Variants in POLR3F observed in about 807,000 individuals in gnomAD.
POLR3F encodes DNA-directed RNA polymerase III subunit RPC6.
Under a neutral mutation model 43.6 loss-of-function variants are expected in POLR3F, and 31 were observed. The observed-to-expected ratio is 0.71, with a 90% confidence interval of 0.53 to 0.96. POLR3F has a LOEUF of 0.96. Among genes scored for constraint, POLR3F ranks in the 40% least tolerant of loss-of-function variants. The pLI is 0.00. For synonymous variants in POLR3F, 114 were observed against 132.5 expected (o/e 0.86, Z 0.96); for missense variants, 316 against 391.7 (o/e 0.81, Z 1.63).
At position 18,468,945 on chromosome 20, in the gene POLR3F, A is replaced by G. The variant is rs1335703062; in HGVS notation, c.64A>G (p.Ile22Val). 7.2e-7 allele frequency: 1 copy of G among 1,388,534 alleles called. No homozygotes were observed. Among genetic ancestry groups the G allele is most frequent in the Non-Finnish European group, 1.0e-6 (1 of 974,290 alleles). 86.0% of individuals were successfully genotyped at this position (1,388,534 alleles called of 1,614,324 possible). The change falls in exon 2 of 9, where the codon ATT becomes GTT. Residue 22 changes from isoleucine to valine, a missense_variant and splice_region_variant. Physicochemically the swap from Ile to Val is conservative, Grantham distance 29 (BLOSUM62 3). Coordinates refer to ENST00000377603, the MANE Select transcript of POLR3F (RefSeq NM_006466.4). ...DADPVEIENR[I>V]IELCHQFPHG... ...TAACATTAATACCTTTGTTTCTAGG[A>G]TTATAGAATTATGTCACCAGTTCCC... is the stretch of plus-strand genomic sequence containing the variant.
At position 18,480,064 on chromosome 20, in the gene POLR3F, C is replaced by G; in HGVS notation, c.456C>G (p.Leu152=). The G allele has an allele frequency of 6.2e-7, 1 of 1,612,128 alleles. No individual in the cohort carries two copies. Among genetic ancestry groups the G allele is most frequent in the Non-Finnish European group, 8.5e-7 (1 of 1,178,702 alleles). ...VAASKKKVYM[L]YNLQPDRSVT... is the part of the protein sequence containing the mutation. The stretch of plus-strand genomic sequence containing the variant: ...CCTCAAAAAAGAAGGTGTATATGCT[C>G]TATAACCTGCAGCCAGACCGGTCTG... Residue 152 remains leucine (L), a synonymous_variant, in exon 6 of 9, where the codon CTC becomes CTG. Transcript: ENST00000377603.
chr20:18,481,923 C>T lies in POLR3F; in HGVS notation c.873+113C>T, dbSNP rs576726726. ...TCAGACTCTTAGGGTTGACCAAGAG[C>T]TATTCAAACCTCCATGAAACCTTGA... On this transcript the variant is annotated intron_variant, in intron 8 of 8. Coordinates refer to ENST00000377603, the MANE Select transcript of POLR3F (RefSeq NM_006466.4). 8.0e-4 allele frequency: 508 copies of T among 632,532 alleles called. 2 individuals are homozygous for T. The highest frequency in any genetic ancestry group is 1.1e-3 in the Non-Finnish European group (384 of 356,070). The allele number at this position is 632,532 out of a possible 1,614,324, so 39.2% of individuals were successfully genotyped here.
intron 2 of POLR3F, chr20:18,469,319 A>C (rs1007885812): frequency 1.1e-5 from 4 of 363,786 alleles, no homozygotes; most frequent in Non-Finnish European, 2.0e-5. Context: ...TAAATAGAAC[A>C]AAGTGGCAGA....
At chr20:18,481,862 C>A in intron 8 of POLR3F, 52 bp downstream of exon 8, 1 of 1,167,946 alleles carries the variant, frequency 8.6e-7, no homozygotes, top group Non-Finnish European at 1.3e-6. Context: ...GTGCAAGTGC[C>A]ACATTAAGAA....
At chr20:18,477,954 A>G (rs1471991044) in intron 5 of POLR3F, among the ~76,000 whole-genome samples, 1 of 152,170 alleles carries the variant, frequency 6.6e-6, no homozygotes, top group Admixed American at 6.5e-5. Context: ...AGTGAATTCA[A>G]TCTCCAGCTC....
At chr20:18,480,933 G>T (rs146183148) in intron 7 of POLR3F, among the ~76,000 whole-genome samples, 74 of 152,138 alleles carry the variant, frequency 4.9e-4, no homozygotes, top group Admixed American at 1.7e-3. Flanking sequence ...AATTTCCTGG[G>T]CCTCAGATTT....
At chr20:18,479,034 A>G (rs910685403) in intron 5 of POLR3F, among the ~76,000 whole-genome samples, 1 of 151,960 alleles carries the variant, frequency 6.6e-6, no homozygotes, top group Non-Finnish European at 1.5e-5. Context: ...AATCCCAGCT[A>G]CTCGGGAGGC....
intron 4 of POLR3F, among the ~76,000 whole-genome samples, chr20:18,474,712 G>A (rs1368881825): frequency 2.0e-5 from 3 of 152,018 alleles, no homozygotes; most frequent in Non-Finnish European, 4.4e-5. Context: ...AGTAGGGACA[G>A]AGTTTCACCA....
intron 2 of POLR3F, chr20:18,469,362 T>G (rs1184398285): frequency 3.9e-6 from 1 of 257,520 alleles, no homozygotes; most frequent in Non-Finnish European, 7.7e-6. Flanking sequence ...AATTCAATCT[T>G]GAGCTGGGCT....
At chr20:18,483,420 G>A (rs1373820312) in intron 8 of POLR3F, 61 bp from the exon 9 acceptor site, 1 of 751,802 alleles carries the variant, frequency 1.3e-6, no homozygotes, top group Non-Finnish European at 2.2e-6. Flanking sequence ...TTAAATAAGT[G>A]GTTGGGTCTT....
At chr20:18,481,275 CTT>C (rs2059807883) in intron 7 of POLR3F, among the ~76,000 whole-genome samples, 1 of 151,858 alleles carries the variant, frequency 6.6e-6, no homozygotes, top group African/African-American at 2.4e-5. Flanking sequence ...GAGTTTGGCT[CTT>C]GTTGCCCAGG....
chr20:18,469,038 G>T lies in POLR3F; in HGVS notation c.157G>T (p.Ala53Ser). 1 of 1,544,152 alleles carries T rather than the reference G, an allele frequency of 6.5e-7. No individual in the cohort carries two copies. The highest frequency in any genetic ancestry group is 1.4e-5 in the African/African-American group (1 of 73,812). ...TATAGAAGCCCAGCAGCGGGCAGTA[G>T]CCATCAATAGGTTGTTGTCTATGGT... is the stretch of plus-strand genomic sequence containing the variant. ...PHIEAQQRAV[A>S]INRLLSMGQL... is the part of the protein sequence containing the mutation. Residue 53 changes from alanine to serine, a missense_variant, in exon 2 of 9, where the codon GCC becomes TCC. Coordinates refer to ENST00000377603, the MANE Select transcript of POLR3F (RefSeq NM_006466.4).
chr20:18,473,444 A>T lies in POLR3F; in HGVS notation c.302A>T (p.Asp101Val). 6.8e-7 allele frequency: 1 copy of T among 1,478,434 alleles called. No individual in the cohort carries two copies. Among genetic ancestry groups the T allele is most frequent in the East Asian group, 2.3e-5 (1 of 44,182 alleles). The allele number at this position is 1,478,434 out of a possible 1,614,324, so 91.6% of individuals were successfully genotyped here. A position where few individuals can be genotyped will look rare whatever the true frequency, so the allele number is the denominator to read the frequency against. ...AAACTAGTATATCAAATCATAGAGGATGCAGGAAATAAAGGTAAGCATGTG... is the reference window on the plus strand; with the variant it reads ...AAACTAGTATATCAAATCATAGAGGTTGCAGGAAATAAAGGTAAGCATGTG... ...QEKLVYQIIE[D>V]AGNKGIWSRD... is the part of the protein sequence containing the mutation. The change falls in exon 4 of 9, where the codon GAT becomes GTT. Residue 101 changes from aspartate to valine, a missense_variant. Asp to Val is a radical substitution (Grantham distance 152). Transcript: ENST00000377603.
At chr20:18,478,120 T>C (rs1331108366) in intron 5 of POLR3F, among the ~76,000 whole-genome samples, 1 of 152,156 alleles carries the variant, frequency 6.6e-6, no homozygotes, top group Non-Finnish European at 1.5e-5. Context: ...AGGTGTGATC[T>C]AAGGGATTCA....
In POLR3F at chr20:18,468,966, T is replaced by A. The variant is rs527368999; in HGVS notation, c.85T>A (p.Phe29Ile). The A allele has an allele frequency of 3.5e-5, 54 of 1,547,432 alleles. 1 individual carries two copies. The South Asian group carries it at 5.0e-4, about 14-fold the overall frequency. Residue 29 changes from phenylalanine (F) to isoleucine (I), a missense_variant, in exon 2 of 9, where the codon TTC becomes ATC. This residue lies in a region of POLR3F where 122 missense variants were observed against 133.8 expected (regional missense o/e 0.91). Coordinates refer to ENST00000377603, the MANE Select transcript of POLR3F (RefSeq NM_006466.4). ...ENRIIELCHQFPHGITDQVIQ... is the reference protein window; with the variant it reads ...ENRIIELCHQIPHGITDQVIQ... ...TAGGATTATAGAATTATGTCACCAG[T>A]TCCCTCATGGAATCACAGACCAAGT...
rs2059729808 is a variant in POLR3F, at chr20:18,468,958, G to A, written c.77G>A (p.Cys26Tyr). 2 of 1,511,532 alleles carry A rather than the reference G, an allele frequency of 1.3e-6. No homozygotes were observed. Among genetic ancestry groups the A allele is most frequent in the South Asian group, 1.1e-5 (1 of 89,094 alleles). The allele number at this position is 1,511,532 out of a possible 1,614,324, so 93.6% of individuals were successfully genotyped here. A position where few individuals can be genotyped will look rare whatever the true frequency, so the allele number is the denominator to read the frequency against. The change falls in exon 2 of 9, where the codon TGT (cysteine) becomes TAT (tyrosine). Residue 26 changes from cysteine (C) to tyrosine (Y), a missense_variant. Cys to Tyr is a radical substitution (Grantham distance 194). Around this residue, in one of 3 missense-constraint regions of POLR3F, gnomAD observed 122 missense variants for 133.8 expected, o/e 0.91. Transcript: ENST00000377603. ...TTTGTTTCTAGGATTATAGAATTATGTCACCAGTTCCCTCATGGAATCACA... is the reference window on the plus strand; with the variant it reads ...TTTGTTTCTAGGATTATAGAATTATATCACCAGTTCCCTCATGGAATCACA... ...VEIENRIIELCHQFPHGITDQ... is the reference protein window; with the variant it reads ...VEIENRIIELYHQFPHGITDQ...
At chr20:18,468,367 G>T (rs986531420) in intron 1 of POLR3F, among the ~76,000 whole-genome samples, 2 of 152,158 alleles carry the variant, frequency 1.3e-5, no homozygotes, top group Non-Finnish European at 1.5e-5. Context: ...GAGCCACCGC[G>T]CCCGGCCCAG....
chr20:18,469,836 G>C (rs2059738444), intron 2 of POLR3F, among the ~76,000 whole-genome samples: 1 of 152,068 alleles, frequency 6.6e-6, no homozygotes, highest in Admixed American at 6.6e-5. Flanking sequence ...GCTGGTGTTG[G>C]GCCATTTCCC....
intron 1 of POLR3F, among the ~76,000 whole-genome samples, chr20:18,468,082 ATTTG>A (rs933695688): frequency 1.1e-4 from 16 of 151,810 alleles, no homozygotes; most frequent in African/African-American, 3.6e-4. Flanking sequence ...TTTTATTTTT[ATTTG>A]TTTGTTTGTG....
Sources: allele counts gnomAD v4.1 joint callset (sites outside exome capture counted in the v4.1 genomes callset), GRCh38; gene constraint gnomAD v4.1.1; regional missense constraint gnomAD v4.1.1; transcripts MANE v1.5; gene names NCBI Gene and HGNC (gene_info 2026-07-23, HGNC 2026-07-21).